Variants in SV2C observed in about 807,000 individuals in gnomAD.
SV2C encodes the protein solute carrier family 22 member B3.
In SV2C, 49 loss-of-function variants were observed where a neutral mutation model predicts 79.7. That is an observed-to-expected ratio of 0.61 (90% CI 0.49 to 0.78). SV2C has a LOEUF of 0.78. Among genes scored for constraint, SV2C ranks in the 30% least tolerant of loss-of-function variants. The pLI, the probability that SV2C is intolerant of heterozygous loss-of-function variation, is 0.00. For missense variants in SV2C, 833 were observed against 912.9 expected, an observed-to-expected ratio of 0.91 and a Z score of 1.13; for synonymous variants, 334 against 333.2, an observed-to-expected ratio of 1.00 and a Z score of -0.03.
At chr5:76,118,714 G>A (rs1748370493) in intron 1 of SV2C, among the ~76,000 whole-genome samples, 1 of 152,206 alleles carries the variant, frequency 6.6e-6, no homozygotes, top group Non-Finnish European at 1.5e-5. Flanking sequence ...GGGTACAGTG[G>A]CTCACGCCTG....
At chr5:76,009,688 A>T in the SV2C span, among the ~76,000 whole-genome samples, 1 of 152,176 alleles carries the variant, frequency 6.6e-6, no homozygotes, top group Admixed American at 6.5e-5. Flanking sequence ...TCTCCCTTAT[A>T]AGTGGGAACT....
At chr5:76,261,051 G>A (rs778814265) in intron 4 of SV2C, among the ~76,000 whole-genome samples, 26 of 152,104 alleles carry the variant, frequency 1.7e-4, no homozygotes, top group Admixed American at 2.6e-4. Flanking sequence ...CTATTTCCAC[G>A]ATATTGATTC....
intron 4 of SV2C, among the ~76,000 whole-genome samples, chr5:76,235,217 A>G (rs2112408504): frequency 6.6e-6 from 1 of 151,660 alleles, no homozygotes; most frequent in East Asian, 1.9e-4. Context: ...TAGTGATGAG[A>G]CATTTAACGA....
At chr5:76,146,950 G>T (rs892275843) in intron 2 of SV2C, among the ~76,000 whole-genome samples, 1 of 152,040 alleles carries the variant, frequency 6.6e-6, no homozygotes, top group African/African-American at 2.4e-5. Context: ...CACACAAAGG[G>T]ACAAATATTG....
chr5:75,881,064 C>G, the SV2C span, among the ~76,000 whole-genome samples: 1 of 152,232 alleles, frequency 6.6e-6, no homozygotes, highest in Admixed American at 6.5e-5. Context: ...ACAACCAGAT[C>G]CACATGAACT....
At chr5:76,204,223 G>T (rs1744539870) in intron 3 of SV2C, among the ~76,000 whole-genome samples, 1 of 152,300 alleles carries the variant, frequency 6.6e-6, no homozygotes, top group Admixed American at 6.5e-5. Flanking sequence ...TTTGCAATTT[G>T]CCTGACAGTT....
At chr5:76,321,661 A>G (rs1380517603) in intron 12 of SV2C, among the ~76,000 whole-genome samples, 1 of 151,650 alleles carries the variant, frequency 6.6e-6, no homozygotes, top group Admixed American at 6.6e-5. Flanking sequence ...GGATCACTTG[A>G]GCCCAGTAGA....
chr5:76,069,857 CAA>C, the SV2C span, among the ~76,000 whole-genome samples: 2 of 118,582 alleles, frequency 1.7e-5, no homozygotes, highest in Non-Finnish European at 3.8e-5. Context: ...TACACACACA[CAA>C]ACACACACAC....
chr5:76,033,227 G>C, the SV2C span, among the ~76,000 whole-genome samples: 358 of 151,892 alleles, frequency 2.4e-3, 2 homozygotes, highest in African/African-American at 6.4e-3. Flanking sequence ...AGTTTCTTTT[G>C]CTGTGCAGAA....
intron 12 of SV2C, among the ~76,000 whole-genome samples, chr5:76,307,615 C>T (rs1748243580): frequency 6.6e-6 from 1 of 152,130 alleles, no homozygotes; most frequent in Admixed American, 6.5e-5. Flanking sequence ...TTCAGTGCTG[C>T]CCTTTTTCTC....
At chr5:76,229,769 C>G (rs1267894599) in intron 4 of SV2C, among the ~76,000 whole-genome samples, 1 of 152,166 alleles carries the variant, frequency 6.6e-6, no homozygotes, top group Non-Finnish European at 1.5e-5. Flanking sequence ...TGAGGCTGGA[C>G]CTCAATAACT....
chr5:76,227,404 C>A (rs1252287687), intron 4 of SV2C, among the ~76,000 whole-genome samples: 1 of 152,184 alleles, frequency 6.6e-6, no homozygotes, highest in African/African-American at 2.4e-5. Context: ...GCATTTCCCC[C>A]CTGTCTGGCT....
chr5:75,887,529 G>C, the SV2C span, among the ~76,000 whole-genome samples: 8 of 152,050 alleles, frequency 5.3e-5, no homozygotes, highest in African/African-American at 1.9e-4. Context: ...CCTTCTGGAT[G>C]AGTTAAGGCC....
intron 4 of SV2C, among the ~76,000 whole-genome samples, chr5:76,214,531 A>C (rs768814678): frequency 1.3e-5 from 2 of 152,130 alleles, no homozygotes; most frequent in Non-Finnish European, 1.5e-5. Context: ...TTCCATACAG[A>C]TTTTAGGATT....
chr5:75,971,499 G>A, the SV2C span, among the ~76,000 whole-genome samples: 65 of 152,108 alleles, frequency 4.3e-4, 1 homozygote, highest in African/African-American at 1.0e-3. Flanking sequence ...AAATCAATGT[G>A]CAAAAATCAC....
At chr5:75,992,152 T>C in the SV2C span, among the ~76,000 whole-genome samples, 1 of 151,956 alleles carries the variant, frequency 6.6e-6, no homozygotes, top group Non-Finnish European at 1.5e-5. Context: ...CACGTCATGG[T>C]CTATATATCC....
chr5:76,271,782 C>G (rs990433383), intron 4 of SV2C, among the ~76,000 whole-genome samples: 1 of 152,052 alleles, frequency 6.6e-6, no homozygotes, highest in Non-Finnish European at 1.5e-5. Context: ...GCTCTTATCA[C>G]AGTGAAATTA....
chr5:76,285,916 T>C (rs1747343292), intron 6 of SV2C, 46 bp downstream of exon 6: 3 of 1,549,078 alleles, frequency 1.9e-6, no homozygotes, highest in Non-Finnish European at 2.7e-6. Context: ...GATTGGGACA[T>C]GTTTTCTGTC....
chr5:76,038,737 A>G, the SV2C span, among the ~76,000 whole-genome samples: 7 of 152,238 alleles, frequency 4.6e-5, no homozygotes, highest in African/African-American at 1.7e-4. Context: ...TATATTTTGC[A>G]TAATTATTGA....
Sources: allele counts gnomAD v4.1 joint callset (sites outside exome capture counted in the v4.1 genomes callset), GRCh38; gene constraint gnomAD v4.1.1; transcripts MANE v1.5; gene names NCBI Gene and HGNC (gene_info 2026-07-23, HGNC 2026-07-21).